The following TTC23 variants were observed in gnomAD, a reference collection of about 807,000 sequenced individuals.
The protein encoded by TTC23 is tetratricopeptide repeat domain 23, also known as tetratricopeptide repeat protein 23.
TTC23 carries 58 observed loss-of-function variants against 55.1 expected under a neutral mutation model. The ratio of observed to expected loss-of-function variants is 1.05; its 90% confidence interval spans 0.85 to 1.31. TTC23 has a LOEUF of 1.31. Among genes scored for constraint, TTC23 ranks in the 50% most tolerant of loss-of-function variants. TTC23 has a pLI of 0.00. For missense variants in TTC23, 516 were observed against 534.4 expected (o/e 0.97, Z 0.34); for synonymous variants, 203 against 199.9 (o/e 1.02, Z -0.13).
chr15:99,141,662 A>C (rs1175101724), intron 12 of TTC23, among the ~76,000 whole-genome samples: 1 of 152,202 alleles, frequency 6.6e-6, no homozygotes, highest in Non-Finnish European at 1.5e-5. Context: ...ATTCATTCTG[A>C]TCTGCCAACC....
chr15:99,225,333 G>A (rs749326659), intron 5 of TTC23, among the ~76,000 whole-genome samples: 4 of 152,178 alleles, frequency 2.6e-5, no homozygotes, highest in South Asian at 2.1e-4. Flanking sequence ...AGACAAGCAC[G>A]AAGTAGGAAG....
At chr15:99,199,355 C>T (rs2076004465) in intron 9 of TTC23, among the ~76,000 whole-genome samples, 1 of 148,044 alleles carries the variant, frequency 6.8e-6, no homozygotes, top group South Asian at 2.1e-4. Context: ...ATCACGTGAA[C>T]CCAGGAGTTT....
intron 12 of TTC23, among the ~76,000 whole-genome samples, chr15:99,155,046 C>A (rs1386392424): frequency 6.6e-6 from 1 of 151,952 alleles, no homozygotes; most frequent in Non-Finnish European, 1.5e-5. Flanking sequence ...TAATAGAATA[C>A]CCCCAAAACC....
At chr15:99,169,757 G>C (rs1030143871) in intron 10 of TTC23, among the ~76,000 whole-genome samples, 3 of 152,240 alleles carry the variant, frequency 2.0e-5, no homozygotes, top group Non-Finnish European at 4.4e-5. Context: ...TGTGGCTAGA[G>C]GCTAGGACCA....
chr15:99,182,897 A>G (rs1408151693), intron 9 of TTC23, among the ~76,000 whole-genome samples: 1 of 152,186 alleles, frequency 6.6e-6, no homozygotes, highest in African/African-American at 2.4e-5. Context: ...AAATTTTTAT[A>G]GTGAAACAAT....
At chr15:99,225,934 C>T (rs552400838) in intron 5 of TTC23, among the ~76,000 whole-genome samples, 18 of 152,344 alleles carry the variant, frequency 1.2e-4, no homozygotes, top group Middle Eastern at 3.4e-3. Context: ...CCTGACAGGA[C>T]GCACTAAGGA....
intron 12 of TTC23, among the ~76,000 whole-genome samples, chr15:99,147,284 G>A (rs1436829583): frequency 2.1e-5 from 3 of 141,686 alleles, no homozygotes; most frequent in Admixed American, 7.3e-5. Context: ...GGAGTGCAGC[G>A]GCGCGATCTC....
upstream of TTC23, chr15:99,251,166 G>A (rs1352165190): frequency 6.6e-6 from 1 of 152,268 alleles, no homozygotes; most frequent in Non-Finnish European, 1.5e-5. Flanking sequence ...CCTTCAAGAC[G>A]CTAAGCAAAA....
Position 99,233,241 on chromosome 15 carries a change from A to G in TTC23, c.-21+1747T>C, listed in dbSNP as rs533366532. Among the ~76,000 whole-genome samples the G allele has an allele frequency of 2.6e-5, 4 of 152,360 alleles. No homozygotes were observed. The East Asian group carries it at 7.7e-4, about 29-fold the overall frequency. ...TCAAGTGTTCTAATCACAAAAAGTG[A>G]TAAATATGTGAGGTAATACATATGT... On this transcript the variant is annotated intron_variant, in intron 4 of 13. Coordinates refer to ENST00000394132, the MANE Select transcript of TTC23 (RefSeq NM_001288615.3).
At chr15:99,250,271 TG>T (rs1384564507), upstream of TTC23, among the ~76,000 whole-genome samples, 1 of 152,210 alleles carries the variant, frequency 6.6e-6, no homozygotes, top group East Asian at 1.9e-4. Context: ...GCTGTATACC[TG>T]AATAGCTCTT....
chr15:99,172,703 A>G (rs2073099313), intron 10 of TTC23, among the ~76,000 whole-genome samples: 1 of 152,250 alleles, frequency 6.6e-6, no homozygotes, highest in African/African-American at 2.4e-5. Flanking sequence ...TTCTGAATTA[A>G]TAAATGTAGT....
intron 6 of TTC23, among the ~76,000 whole-genome samples, chr15:99,220,726 G>A (rs1357979835): frequency 1.3e-5 from 2 of 152,126 alleles, no homozygotes; most frequent in African/African-American, 4.8e-5. Flanking sequence ...TTTATTCACT[G>A]GGCCAACCCT....
chr15:99,137,651 A>G lies in TTC23; in HGVS notation c.*359T>C, dbSNP rs567933180. 1.3e-5 allele frequency: 3 copies of G among 223,074 alleles called. No individual in the cohort carries two copies. Among genetic ancestry groups the G allele is most frequent in the Non-Finnish European group, 2.7e-5 (3 of 110,488 alleles). The allele number at this position is 223,074 out of a possible 1,614,324, so 13.8% of individuals were successfully genotyped here. A position where few individuals can be genotyped will look rare whatever the true frequency, so the allele number is the denominator to read the frequency against. On this transcript the variant is annotated 3_prime_UTR_variant, in exon 14 of 14. Transcript: ENST00000394132. ...ACTGTCCAGATCTAACTCCACACCT[A>G]TGCAAGGAGCTGTGTGTACAAGCAG...
intron 8 of TTC23, among the ~76,000 whole-genome samples, chr15:99,206,822 TTTA>T (rs527363474): frequency 1.2e-3 from 178 of 152,234 alleles, no homozygotes; most frequent in African/African-American, 3.4e-3. Context: ...TGCTTGGATT[TTTA>T]TTATTTTTTT....
chr15:99,150,408 A>C (rs1241882116), intron 12 of TTC23, among the ~76,000 whole-genome samples: 2 of 152,238 alleles, frequency 1.3e-5, no homozygotes, highest in African/African-American at 4.8e-5. Flanking sequence ...AAGGCTCAAA[A>C]AATTTTCTGC....
intron 7 of TTC23, 75 bp downstream of exon 7, chr15:99,218,823 A>G: frequency 6.3e-7 from 1 of 1,595,102 alleles, no homozygotes; most frequent in South Asian, 1.1e-5. Flanking sequence ...ATCCATCAGC[A>G]TCAGCTTTTT....
At position 99,164,512 on chromosome 15, in the gene TTC23, T is replaced by A. The variant is rs1307214229; in HGVS notation, c.866-2645A>T. On this transcript the variant is annotated intron_variant, in intron 10 of 13. Transcript: ENST00000394132. ...ACATAAAGTCTGTTGGGGAAGATCA[T>A]GACCCGTATATACAGTGGTCTACTT... Among the ~76,000 whole-genome samples the A allele has an allele frequency of 2.6e-5, 4 of 152,332 alleles. No individual in the cohort carries two copies. The East Asian group carries it at 7.7e-4, about 29-fold the overall frequency.
chr15:99,167,203 A>AT (rs2072239688), intron 10 of TTC23, among the ~76,000 whole-genome samples: 1 of 152,220 alleles, frequency 6.6e-6, no homozygotes, highest in African/African-American at 2.4e-5. Context: ...AGGAAGTCAT[A>AT]GCCCCTTCAA....
At chr15:99,225,233 G>A (rs996045203) in intron 5 of TTC23, among the ~76,000 whole-genome samples, 1 of 152,116 alleles carries the variant, frequency 6.6e-6, no homozygotes, top group Non-Finnish European at 1.5e-5. Context: ...TTGTTACAAG[G>A]CATGGTCCAA....
Sources: gnomAD v4.1 joint callset for allele counts (sites outside exome capture counted in the v4.1 genomes callset) on GRCh38, gnomAD v4.1.1 for gene constraint, MANE v1.5 for transcripts, NCBI Gene and HGNC (gene_info 2026-07-23, HGNC 2026-07-21) for gene names.